TBX15: variants seen among roughly 807,000 people sequenced by gnomAD.
TBX15 encodes T-box transcription factor 15.
TBX15 carries 18 observed loss-of-function variants against 53.9 expected under a neutral mutation model. That is an observed-to-expected ratio of 0.33 (90% CI 0.23 to 0.49). The LOEUF is 0.49. TBX15 is among the 20% of genes least tolerant of loss of function. TBX15 has a pLI of 0.98. For synonymous variants in TBX15, 295 were observed against 278.0 expected, an observed-to-expected ratio of 1.06 and a Z score of -0.61; for missense variants, 692 against 749.5, an observed-to-expected ratio of 0.92 and a Z score of 0.90.
At chr1:118,985,506 C>T (rs1657801569) in intron 1 of TBX15, among the ~76,000 whole-genome samples, 1 of 152,174 alleles carries the variant, frequency 6.6e-6, no homozygotes, top group South Asian at 2.1e-4. Context: ...TTTTCTCATC[C>T]TATCAGCAAA....
At chr1:118,891,464 C>A (rs1654139359) in intron 7 of TBX15, among the ~76,000 whole-genome samples, 2 of 152,126 alleles carry the variant, frequency 1.3e-5, no homozygotes, top group Non-Finnish European at 2.9e-5. Flanking sequence ...TTCTTTCTGG[C>A]AACAGTATCT....
chr1:118,946,306 G>A (rs1036697506), intron 1 of TBX15, among the ~76,000 whole-genome samples: 1 of 152,006 alleles, frequency 6.6e-6, no homozygotes, highest in Non-Finnish European at 1.5e-5. Context: ...AAATGAAGAG[G>A]TTATTAACCT....
At chr1:118,900,508 GCA>G (rs1654591714) in intron 6 of TBX15, among the ~76,000 whole-genome samples, 1 of 152,156 alleles carries the variant, frequency 6.6e-6, no homozygotes, top group Admixed American at 6.5e-5. Context: ...GGCCTCACTT[GCA>G]CAGTTAACTT....
chr1:118,920,223 G>A (rs1424929245), intron 5 of TBX15, among the ~76,000 whole-genome samples: 1 of 152,130 alleles, frequency 6.6e-6, no homozygotes. Flanking sequence ...AGGAAGATTG[G>A]ACATGCAAGC....
At chr1:118,954,531 G>C (rs12143789) in intron 1 of TBX15, among the ~76,000 whole-genome samples, 19,520 of 152,210 alleles carry the variant, frequency 0.13, 1,778 homozygotes, top group Non-Finnish European at 0.18. Context: ...AACTCATCAA[G>C]AGCATTCACT....
At chr1:118,925,457 G>A (rs1262574942) in intron 3 of TBX15, among the ~76,000 whole-genome samples, 2 of 152,222 alleles carry the variant, frequency 1.3e-5, no homozygotes, top group Non-Finnish European at 1.5e-5. Context: ...TGATGAACCC[G>A]TTTTGAACAC....
rs1001043939 is a variant in TBX15, at chr1:118,926,447, T to G, written c.521+63A>C. The G allele has an allele frequency of 1.1e-5, 16 of 1,416,796 alleles. No individual in the cohort carries two copies. In the Middle Eastern group the frequency reaches 5.2e-4, roughly 46 times the overall value. The allele number at this position is 1,416,796 out of a possible 1,614,324, so 87.8% of individuals were successfully genotyped here. A position where few individuals can be genotyped will look rare whatever the true frequency, so the allele number is the denominator to read the frequency against. On this transcript the variant is annotated intron_variant, in intron 3 of 7. Transcript: ENST00000369429. ...TTGCTAAACTATTTCCTCTAAGGAGTTTGAAGAATTGTCTTGGAATGCTGG... is the reference window on the plus strand; with the variant it reads ...TTGCTAAACTATTTCCTCTAAGGAGGTTGAAGAATTGTCTTGGAATGCTGG...
chr1:118,958,359 G>A (rs1448440675), intron 1 of TBX15, among the ~76,000 whole-genome samples: 3 of 152,204 alleles, frequency 2.0e-5, no homozygotes, highest in African/African-American at 4.8e-5. Context: ...AGAGCAGTGA[G>A]AAATAAATTT....
chr1:118,969,302 G>C (rs1334189944), intron 1 of TBX15, among the ~76,000 whole-genome samples: 2 of 152,214 alleles, frequency 1.3e-5, no homozygotes, highest in Non-Finnish European at 2.9e-5. Flanking sequence ...TGTCAAGGCA[G>C]TGACCTTCTG....
chr1:118,883,154 A>C lies in TBX15; in HGVS notation c.*1578T>G, dbSNP rs1295810328. 6.6e-6 allele frequency: 1 copy of C among 152,588 alleles called. No individual in the cohort carries two copies. The highest frequency in any genetic ancestry group is 1.9e-4 in the East Asian group (1 of 5,194). The allele number at this position is 152,588 out of a possible 1,614,324, so 9.5% of individuals were successfully genotyped here. ...CACCTTTTCTTCATACATATTTTAC[A>C]TACCCTTTTATTGCCCCCTTTTTCA... On this transcript the variant is annotated 3_prime_UTR_variant, in exon 8 of 8. Transcript: ENST00000369429.
chr1:118,947,293 A>G (rs1656378966), intron 1 of TBX15, among the ~76,000 whole-genome samples: 1 of 152,228 alleles, frequency 6.6e-6, no homozygotes, highest in Non-Finnish European at 1.5e-5. Context: ...TCCCAGCTAA[A>G]CATCTATTTT....
chr1:118,917,589 T>A (rs1324835449), intron 5 of TBX15, among the ~76,000 whole-genome samples: 3 of 152,124 alleles, frequency 2.0e-5, no homozygotes, highest in East Asian at 1.9e-4. Context: ...TAATTTAAAA[T>A]TTTTAAAAGA....
chr1:118,918,778 A>G (rs1274013467), intron 5 of TBX15, among the ~76,000 whole-genome samples: 3 of 152,192 alleles, frequency 2.0e-5, no homozygotes, highest in East Asian at 1.9e-4. Context: ...TAAATGAGGT[A>G]TACTTCACAG....
intron 2 of TBX15, among the ~76,000 whole-genome samples, chr1:118,927,515 C>G (rs1378479955): frequency 6.6e-6 from 1 of 152,134 alleles, no homozygotes; most frequent in Non-Finnish European, 1.5e-5. Context: ...TTTTTTAGTG[C>G]ATAAAACTGT....
intron 1 of TBX15, among the ~76,000 whole-genome samples, chr1:118,957,267 G>A (rs555205614): frequency 3.9e-5 from 6 of 152,236 alleles, no homozygotes; most frequent in East Asian, 1.9e-4. Context: ...GGTCAGAGTC[G>A]GACCAATCCA....
chr1:118,884,606 A>G lies in TBX15; in HGVS notation c.*126T>C, dbSNP rs887957046. The G allele has an allele frequency of 6.8e-6, 2 of 295,832 alleles. No homozygotes were observed. The highest frequency in any genetic ancestry group is 6.9e-5 in the South Asian group (1 of 14,416). 18.3% of individuals were successfully genotyped at this position (295,832 alleles called of 1,614,324 possible). A position where few individuals can be genotyped will look rare whatever the true frequency, so the allele number is the denominator to read the frequency against. On this transcript the variant is annotated 3_prime_UTR_variant, in exon 8 of 8. Coordinates refer to ENST00000369429, the MANE Select transcript of TBX15 (RefSeq NM_001330677.2). ...TTCTTGGGTATATGTCTTCGGCCAG[A>G]AAAAAAAAAAAAAAAAAAACACGGT...
chr1:118,957,416 T>C (rs1656726664), intron 1 of TBX15, among the ~76,000 whole-genome samples: 1 of 152,006 alleles, frequency 6.6e-6, no homozygotes, highest in African/African-American at 2.4e-5. Context: ...GAGTGAAAAA[T>C]TTGAGGGACA....
rs1480882853 is a variant in TBX15, at chr1:118,890,829, C to T, written c.1025-5313G>A. 4.0e-6 allele frequency: 5 copies of T among 1,251,294 alleles called. No individual in the cohort carries two copies. The East Asian group carries it at 1.7e-4, about 43-fold the overall frequency. The allele number at this position is 1,251,294 out of a possible 1,614,324, so 77.5% of individuals were successfully genotyped here. A position where few individuals can be genotyped will look rare whatever the true frequency, so the allele number is the denominator to read the frequency against. On this transcript the variant is annotated intron_variant, in intron 7 of 7. Coordinates refer to ENST00000369429, the MANE Select transcript of TBX15 (RefSeq NM_001330677.2). ...ATTGAAAAACAGTAAGGCAAAACCC[C>T]ATCTAGGCTAGTAAAGAATAAATTT...
Position 118,884,966 on chromosome 1 carries a change from G to A in TBX15, c.1575C>T (p.Ser525=), listed in dbSNP as rs1432508014. The A allele has an allele frequency of 6.2e-7, 1 of 1,614,170 alleles. No individual in the cohort carries two copies. Among genetic ancestry groups the A allele is most frequent in the South Asian group, 1.1e-5 (1 of 91,090 alleles). ...TTTCCGGGCTTGCAGCTAGCCTAGG[G>A]GAAGTGGGGAAATTGTATCCATACA... is the stretch of plus-strand genomic sequence containing the variant. ...YNLYGYNFPT[S]PRLAASPEKL... Residue 525 remains serine, a synonymous_variant, in exon 8 of 8, where the codon TCC becomes TCT. Transcript: ENST00000369429.
Sources: gnomAD v4.1 joint callset for allele counts (sites outside exome capture counted in the v4.1 genomes callset) on GRCh38, gnomAD v4.1.1 for gene constraint, MANE v1.5 for transcripts, NCBI Gene and HGNC (gene_info 2026-07-23, HGNC 2026-07-21) for gene names.